The following NALF1 variants were observed in gnomAD, a reference collection of about 807,000 sequenced individuals.
NALF1 encodes the protein family with sequence similarity 155 member A.
In NALF1, 3 loss-of-function variants were observed where a neutral mutation model predicts 48.4. The observed-to-expected ratio is 0.06, with a 90% CI of 0.03 to 0.16. The LOEUF (loss-of-function observed/expected upper bound fraction) is 0.16, where lower values mean the gene tolerates loss of function less well. Ranked by LOEUF, NALF1 falls within the 10% of genes least tolerant of loss-of-function variation. The pLI, the probability that NALF1 is intolerant of heterozygous loss-of-function variation, is 1.00. For synonymous variants in NALF1, 262 were observed against 245.7 expected, an observed-to-expected ratio of 1.07 and a Z score of -0.62; for missense variants, 526 against 571.5, an observed-to-expected ratio of 0.92 and a Z score of 0.81.
At chr13:107,569,286 G>A (rs1419539146) in intron 1 of NALF1, among the ~76,000 whole-genome samples, 3 of 151,772 alleles carry the variant, frequency 2.0e-5, no homozygotes, top group Non-Finnish European at 2.9e-5. Context: ...TGGCCAACAC[G>A]GTGAAACCCC....
At chr13:107,815,959 G>A (rs1879150961) in intron 1 of NALF1, among the ~76,000 whole-genome samples, 1 of 152,176 alleles carries the variant, frequency 6.6e-6, no homozygotes, top group Admixed American at 6.5e-5. Context: ...TAGATTAGTA[G>A]GTGCCTAGGA....
At chr13:107,508,918 C>T (rs963955197) in intron 1 of NALF1, among the ~76,000 whole-genome samples, 2 of 151,916 alleles carry the variant, frequency 1.3e-5, no homozygotes, top group Non-Finnish European at 2.9e-5. Flanking sequence ...ATTTAGGAAG[C>T]TCATTTGCCT....
At chr13:107,408,785 T>C (rs1040027503) in intron 1 of NALF1, among the ~76,000 whole-genome samples, 1 of 152,046 alleles carries the variant, frequency 6.6e-6, no homozygotes, top group Non-Finnish European at 1.5e-5. Flanking sequence ...AGTGAATAAA[T>C]GATATAGGGG....
At chr13:107,214,714 A>T (rs955494505) in intron 1 of NALF1, among the ~76,000 whole-genome samples, 1 of 152,166 alleles carries the variant, frequency 6.6e-6, no homozygotes, top group Non-Finnish European at 1.5e-5. Flanking sequence ...ACAGCTGCCC[A>T]CCATACAGTG....
At chr13:107,345,870 AG>A (rs528508216) in intron 1 of NALF1, among the ~76,000 whole-genome samples, 84 of 152,342 alleles carry the variant, frequency 5.5e-4, no homozygotes, top group African/African-American at 1.9e-3. Flanking sequence ...GTTAATATCC[AG>A]AACTTACAAA....
chr13:107,295,176 T>A (rs759941961), intron 1 of NALF1, among the ~76,000 whole-genome samples: 1 of 152,150 alleles, frequency 6.6e-6, no homozygotes, highest in Non-Finnish European at 1.5e-5. Flanking sequence ...GTGTCTCTTG[T>A]GCCCATCTTT....
intron 1 of NALF1, among the ~76,000 whole-genome samples, chr13:107,711,270 T>C (rs1210152706): frequency 3.9e-5 from 6 of 152,242 alleles, no homozygotes; most frequent in Non-Finnish European, 8.8e-5. Flanking sequence ...CAGAAATGGT[T>C]ATGAAATTGA....
At chr13:107,796,485 C>T (rs1878428580) in intron 1 of NALF1, among the ~76,000 whole-genome samples, 1 of 152,178 alleles carries the variant, frequency 6.6e-6, no homozygotes, top group Non-Finnish European at 1.5e-5. Flanking sequence ...TTTAATATCA[C>T]TTTTCACTGG....
intron 1 of NALF1, among the ~76,000 whole-genome samples, chr13:107,370,041 C>T (rs999414226): frequency 4.6e-5 from 7 of 152,174 alleles, no homozygotes; most frequent in Admixed American, 2.0e-4. Flanking sequence ...AGTTAGAATG[C>T]CATTCTTCCG....
intron 1 of NALF1, among the ~76,000 whole-genome samples, chr13:107,298,493 G>A (rs1881771182): frequency 6.6e-6 from 1 of 151,496 alleles, no homozygotes; most frequent in South Asian, 2.1e-4. Flanking sequence ...GTGCACTGGT[G>A]CAATCTCAGC....
Position 107,277,837 on chromosome 13 carries a change from G to A in NALF1, c.916-67082C>T, listed in dbSNP as rs938901225. 2.6e-5 allele frequency among the ~76,000 whole-genome samples: 4 copies of A among 152,170 alleles called. No homozygotes were observed. The East Asian group carries it at 7.7e-4, about 29-fold the overall frequency. On this transcript the variant is annotated intron_variant, in intron 1 of 2. Coordinates refer to ENST00000375915, the MANE Select transcript of NALF1 (RefSeq NM_001080396.3). ...AATCAACATGACTTTAAAATAATAA[G>A]CAAGCTGGTAGGAGTTCAGCGGATG...
chr13:107,548,641 G>A (rs1877203491), intron 1 of NALF1, among the ~76,000 whole-genome samples: 1 of 151,930 alleles, frequency 6.6e-6, no homozygotes, highest in African/African-American at 2.4e-5. Flanking sequence ...TACTCTGCTG[G>A]AGATGGTTCC....
At chr13:107,585,979 T>C (rs1878442929) in intron 1 of NALF1, among the ~76,000 whole-genome samples, 3 of 152,166 alleles carry the variant, frequency 2.0e-5, no homozygotes, top group Admixed American at 2.0e-4. Context: ...AAAATTAGTA[T>C]TCTGCACCAT....
chr13:107,170,383 A>C lies in NALF1; in HGVS notation c.*114T>G. The C allele has an allele frequency of 9.8e-7, 1 of 1,018,310 alleles. No homozygotes were observed. Among genetic ancestry groups the C allele is most frequent in the South Asian group, 1.6e-5 (1 of 61,330 alleles). 63.1% of individuals were successfully genotyped at this position (1,018,310 alleles called of 1,614,324 possible). On this transcript the variant is annotated 3_prime_UTR_variant, in exon 3 of 3. Transcript: ENST00000375915. ...CCCATCTGTTTAAATTTTACCCTAA[A>C]GGCCTTGCAATAAGTAATTCGAGGG...
intron 1 of NALF1, among the ~76,000 whole-genome samples, chr13:107,801,369 T>A (rs1049935262): frequency 6.6e-6 from 1 of 152,200 alleles, no homozygotes; most frequent in Non-Finnish European, 1.5e-5. Context: ...TAGGATGATG[T>A]CGATTTGTTT....
chr13:107,284,225 C>T (rs972578518), intron 1 of NALF1, among the ~76,000 whole-genome samples: 20 of 152,050 alleles, frequency 1.3e-4, no homozygotes, highest in African/African-American at 4.3e-4. Flanking sequence ...AGGGCACATG[C>T]TTACAAAGAC....
chr13:107,843,574 G>C (rs921569284), intron 1 of NALF1, among the ~76,000 whole-genome samples: 3 of 152,108 alleles, frequency 2.0e-5, no homozygotes, highest in African/African-American at 7.2e-5. Flanking sequence ...ATTTTCGCAA[G>C]ATCCCCAAGT....
intron 2 of NALF1, among the ~76,000 whole-genome samples, chr13:107,208,121 G>C (rs143737722): frequency 1.1e-3 from 161 of 152,296 alleles, no homozygotes; most frequent in African/African-American, 3.7e-3. Flanking sequence ...CAGAACTTCA[G>C]GGTGAAATAA....
intron 1 of NALF1, among the ~76,000 whole-genome samples, chr13:107,705,332 T>A (rs1426724688): frequency 6.6e-6 from 1 of 152,210 alleles, no homozygotes; most frequent in African/African-American, 2.4e-5. Flanking sequence ...ACTGAGAGTT[T>A]TAAAAACAAA....
Sources: allele counts gnomAD v4.1 joint callset (sites outside exome capture counted in the v4.1 genomes callset), GRCh38; gene constraint gnomAD v4.1.1; transcripts MANE v1.5; gene names NCBI Gene and HGNC (gene_info 2026-07-23, HGNC 2026-07-21).